Variants in DNAJC1 observed in about 807,000 individuals in gnomAD.
DNAJC1 encodes the protein DnaJ heat shock protein family (Hsp40) member C1.
A neutral mutation model predicts 76.6 loss-of-function variants in DNAJC1; 58 were observed. That is an observed-to-expected ratio of 0.76 (90% confidence interval 0.61 to 0.94). The LOEUF is 0.94. DNAJC1 is among the 40% of genes least tolerant of loss of function. The pLI, the probability that DNAJC1 is intolerant of heterozygous loss-of-function variation, is 0.00. For synonymous variants in DNAJC1, 258 were observed against 267.9 expected, an observed-to-expected ratio of 0.96 and a Z score of 0.36; for missense variants, 689 against 677.3, an observed-to-expected ratio of 1.02 and a Z score of -0.19.
At chr10:21,969,708 G>GTACATAAAATAATGGTTCAGCCAA (rs1837947882) in intron 1 of DNAJC1, among the ~76,000 whole-genome samples, 1 of 152,056 alleles carries the variant, frequency 6.6e-6, no homozygotes, top group Admixed American at 6.6e-5. Flanking sequence ...TTTTTAAGTA[G>GTACATAAAATAATGGTTCAGCCAA]TACATAAAAT....
chr10:21,844,624 C>T (rs1004119904), intron 8 of DNAJC1, among the ~76,000 whole-genome samples: 1 of 152,086 alleles, frequency 6.6e-6, no homozygotes, highest in Non-Finnish European at 1.5e-5. Context: ...TGTTGATTTT[C>T]AACTCAGTTT....
chr10:21,952,645 G>C (rs1046803256), intron 1 of DNAJC1, among the ~76,000 whole-genome samples: 1 of 152,170 alleles, frequency 6.6e-6, no homozygotes, highest in African/African-American at 2.4e-5. Flanking sequence ...TGTAATTCCA[G>C]TTACTCGGTA....
intron 8 of DNAJC1, among the ~76,000 whole-genome samples, chr10:21,824,071 T>A (rs1835203086): frequency 6.6e-6 from 1 of 152,216 alleles, no homozygotes; most frequent in Non-Finnish European, 1.5e-5. Context: ...TTATGTTGAA[T>A]GAATGACTGG....
At chr10:21,783,850 T>C (rs1322197721) in intron 9 of DNAJC1, among the ~76,000 whole-genome samples, 1 of 152,210 alleles carries the variant, frequency 6.6e-6, no homozygotes, top group Non-Finnish European at 1.5e-5. Flanking sequence ...GCTAGCCATA[T>C]GTAGAAAGCT....
rs186529336 is a variant in DNAJC1, at chr10:21,991,157, T to C, written c.222+12056A>G. On this transcript the variant is annotated intron_variant, in intron 1 of 11. Transcript: ENST00000376980. ...AAGAATATAGTGAATATTTCATAGC[T>C]AGCAATATATAAGATGTATGAGTTT... Among the ~76,000 whole-genome samples the C allele has an allele frequency of 8.9e-4, 135 of 152,286 alleles. No homozygotes were observed. The East Asian group carries it at 0.016, about 18-fold the overall frequency.
chr10:21,927,007 T>C (rs1731618190), intron 3 of DNAJC1, among the ~76,000 whole-genome samples: 1 of 152,122 alleles, frequency 6.6e-6, no homozygotes, highest in Admixed American at 6.6e-5. Context: ...AAGCCAAAAA[T>C]ATTAGAAAAC....
intron 9 of DNAJC1, among the ~76,000 whole-genome samples, chr10:21,767,654 G>C (rs190707118): frequency 9.7e-4 from 147 of 152,212 alleles, no homozygotes; most frequent in Admixed American, 3.6e-3. Context: ...GCAATTTGAT[G>C]AGTTTTGACC....
intron 8 of DNAJC1, among the ~76,000 whole-genome samples, chr10:21,868,099 A>C (rs1460647915): frequency 3.4e-5 from 5 of 148,696 alleles, no homozygotes; most frequent in South Asian, 2.1e-4. Context: ...ACAAAAAAAA[A>C]AACAACAACT....
chr10:21,928,553 C>T lies in DNAJC1; in HGVS notation c.325-1G>A. 6.2e-7 allele frequency: 1 copy of T among 1,611,282 alleles called. No homozygotes were observed. The highest frequency in any genetic ancestry group is 8.5e-7 in the Non-Finnish European group (1 of 1,177,768). ...TTAAAACTTCATAAATGGCCACCAA[C>T]TAAAATAAAAGCATTACTTTAAAAT... On this transcript the variant is annotated splice_acceptor_variant, in intron 2 of 11. Coordinates refer to ENST00000376980, the MANE Select transcript of DNAJC1 (RefSeq NM_022365.4). LOFTEE classifies it high-confidence loss of function.
intron 9 of DNAJC1, among the ~76,000 whole-genome samples, chr10:21,800,339 A>T (rs926371272): frequency 3.3e-5 from 5 of 152,212 alleles, no homozygotes; most frequent in African/African-American, 1.2e-4. Flanking sequence ...GTGTATTGTT[A>T]TAACCTCTCT....
chr10:21,857,726 C>A (rs1198428516), intron 8 of DNAJC1, among the ~76,000 whole-genome samples: 3 of 152,084 alleles, frequency 2.0e-5, no homozygotes, highest in Admixed American at 1.3e-4. Context: ...CATGGTGGTA[C>A]ATGCCTGTAG....
intron 1 of DNAJC1, among the ~76,000 whole-genome samples, chr10:21,941,383 G>A (rs1361666202): frequency 1.3e-5 from 2 of 151,656 alleles, no homozygotes; most frequent in Admixed American, 1.3e-4. Flanking sequence ...TGACAACTAG[G>A]GACATCTGAA....
At chr10:21,962,517 G>A (rs1038900349) in intron 1 of DNAJC1, among the ~76,000 whole-genome samples, 3 of 130,916 alleles carry the variant, frequency 2.3e-5, no homozygotes, top group African/African-American at 8.8e-5. Flanking sequence ...CCAGGCTGGA[G>A]TGCAGTGGCA....
chr10:21,986,719 T>C (rs1480277791), intron 1 of DNAJC1, among the ~76,000 whole-genome samples: 3 of 152,192 alleles, frequency 2.0e-5, no homozygotes, highest in Non-Finnish European at 2.9e-5. Flanking sequence ...CCATTTTATA[T>C]GTTGCTAGAT....
At chr10:21,996,009 A>G (rs1351979927) in intron 1 of DNAJC1, among the ~76,000 whole-genome samples, 1 of 152,206 alleles carries the variant, frequency 6.6e-6, no homozygotes, top group Non-Finnish European at 1.5e-5. Context: ...ATATTTTTAC[A>G]TTCATTAGTA....
intron 8 of DNAJC1, among the ~76,000 whole-genome samples, chr10:21,868,691 G>C (rs932285118): frequency 1.3e-5 from 2 of 151,960 alleles, no homozygotes; most frequent in African/African-American, 4.8e-5. Flanking sequence ...AGGAGGGTGA[G>C]TAGGGGATAG....
At chr10:21,874,660 T>C (rs140843163) in intron 8 of DNAJC1, among the ~76,000 whole-genome samples, 127 of 152,254 alleles carry the variant, frequency 8.3e-4, no homozygotes, top group African/African-American at 2.7e-3. Context: ...CTAATAGATA[T>C]GGTTTTATTT....
At chr10:21,767,020 T>C (rs1444121342) in intron 9 of DNAJC1, among the ~76,000 whole-genome samples, 2 of 151,862 alleles carry the variant, frequency 1.3e-5, no homozygotes, top group Non-Finnish European at 2.9e-5. Context: ...AAACAGGTCA[T>C]TTTTTAAACC....
chr10:21,861,183 T>C (rs891936382), intron 8 of DNAJC1, among the ~76,000 whole-genome samples: 3 of 152,276 alleles, frequency 2.0e-5, no homozygotes, highest in Non-Finnish European at 4.4e-5. Flanking sequence ...TCTAAGCCCA[T>C]TGCATTTTCT....
Sources: allele counts gnomAD v4.1 joint callset (sites outside exome capture counted in the v4.1 genomes callset), GRCh38; gene constraint gnomAD v4.1.1; transcripts MANE v1.5; gene names NCBI Gene and HGNC (gene_info 2026-07-23, HGNC 2026-07-21).